Variants in HBP1 observed in about 807,000 individuals in gnomAD.
The protein encoded by HBP1 is HMG box-containing protein 1.
In HBP1, 20 loss-of-function variants were observed where a neutral mutation model predicts 62.6. The ratio of observed to expected loss-of-function variants is 0.32; its 90% CI spans 0.22 to 0.46. The LOEUF is 0.46. HBP1 is among the 20% of genes least tolerant of loss of function. The pLI is 1.00. For synonymous variants in HBP1, 232 were observed against 206.2 expected (o/e 1.12, Z -1.07); for missense variants, 480 against 611.8 (o/e 0.78, Z 2.27).
chr7:107,191,906 G>C (rs1218290212), intron 8 of HBP1, among the ~76,000 whole-genome samples: 1 of 152,064 alleles, frequency 6.6e-6, no homozygotes, highest in Non-Finnish European at 1.5e-5. Context: ...ACATAGTTGT[G>C]CTCATGGCTG....
In HBP1 at chr7:107,184,259, T is replaced by C. The variant is rs1360709161; in HGVS notation, c.399-1542T>C. ...AAATGTGTAATAACAGGATGGGCAG[T>C]TTTTGGGCAAAAGATGAAACATTCA... is the stretch of plus-strand genomic sequence containing the variant. On this transcript the variant is annotated intron_variant, in intron 3 of 10. Coordinates refer to ENST00000222574, the MANE Select transcript of HBP1 (RefSeq NM_012257.4). Among the ~76,000 whole-genome samples, 7 of 152,158 alleles carry C rather than the reference T, an allele frequency of 4.6e-5. 1 individual carries two copies. The highest frequency in any genetic ancestry group is 4.6e-4 in the Admixed American group (7 of 15,282).
chr7:107,169,749 G>T (rs1191277050), intron 1 of HBP1: 3 of 985,276 alleles, frequency 3.0e-6, no homozygotes, highest in Non-Finnish European at 3.6e-6. Context: ...CCAGGCGCCT[G>T]CGCGCTGGGG....
intron 1 of HBP1, chr7:107,173,653 CTCTT>C (rs1458333933): frequency 6.6e-6 from 1 of 152,164 alleles, no homozygotes; most frequent in African/African-American, 2.4e-5. Context: ...TTCTAGTTCT[CTCTT>C]TCTCTCCTGT....
intron 1 of HBP1, among the ~76,000 whole-genome samples, chr7:107,171,860 CA>C (rs367641713): frequency 1.8e-3 from 113 of 63,908 alleles, no homozygotes; most frequent in South Asian, 6.4e-3. Context: ...ACTTCCTCTC[CA>C]AAAAAAAAAA....
At chr7:107,186,147 C>CTTTTTTTTTTTTTTTTT (rs961142033) in intron 4 of HBP1, among the ~76,000 whole-genome samples, 2 of 135,116 alleles carry the variant, frequency 1.5e-5, no homozygotes, top group African/African-American at 5.6e-5. Flanking sequence ...TTGTGTGTGT[C>CTTTTTTTTTTTTTTTTT]TTTTTTTTCT....
At position 107,180,033 on chromosome 7, in the gene HBP1, A is replaced by G. The variant is rs182752199; in HGVS notation, c.140A>G (p.Tyr47Cys). The G allele has an allele frequency of 3.1e-6, 5 of 1,600,198 alleles. No homozygotes were observed. The East Asian group carries it at 6.7e-5, about 22-fold the overall frequency. The change falls in exon 2 of 11, where the codon TAT (tyrosine) becomes TGT (cysteine). Residue 47 changes from tyrosine to cysteine, a missense_variant. Coordinates refer to ENST00000222574, the MANE Select transcript of HBP1 (RefSeq NM_012257.4). ...GAGAATTTGCCATCTTCACCTGGAT[A>G]TAACTCCTGTGATGAACACATGGAG... The part of the protein sequence containing the change: ...CNENLPSSPG[Y>C]NSCDEHMELD...
intron 8 of HBP1, 66 bp downstream of exon 8, chr7:107,190,383 GGTTA>G: frequency 9.6e-7 from 1 of 1,039,812 alleles, no homozygotes; most frequent in South Asian, 1.6e-5. Context: ...CCCTAATGAT[GGTTA>G]AGTCAGATAT....
intron 1 of HBP1, chr7:107,173,517 A>G (rs1394110386): frequency 6.6e-6 from 1 of 152,240 alleles, no homozygotes; most frequent in East Asian, 1.9e-4. Context: ...TTCCTCATCC[A>G]TAATAATACT....
chr7:107,189,054 A>G (rs749004404), intron 6 of HBP1, among the ~76,000 whole-genome samples: 56 of 152,298 alleles, frequency 3.7e-4, no homozygotes, highest in Admixed American at 2.0e-3. Context: ...CTCTTTTGGT[A>G]TTAATAACTC....
At chr7:107,188,335 A>G (rs1462399351) in intron 6 of HBP1, among the ~76,000 whole-genome samples, 4 of 152,062 alleles carry the variant, frequency 2.6e-5, no homozygotes, top group African/African-American at 7.2e-5. Context: ...TGTTATTATC[A>G]TCCTTCTTGA....
At position 107,201,609 on chromosome 7, in the gene HBP1, GCA is replaced by G. The variant is rs1798315271; in HGVS notation, c.*179_*180del. The G allele has an allele frequency of 1.5e-5, 7 of 452,182 alleles. No individual in the cohort carries two copies. The highest frequency in any genetic ancestry group is 8.1e-6 in the Non-Finnish European group (2 of 247,856). 28.0% of individuals were successfully genotyped at this position (452,182 alleles called of 1,614,324 possible). ...GTGAGGATTTGCTTTCTCCATTAGA[GCA>G]TTAAGCTAAAACTATCAACATTTTA... On this transcript the variant is annotated 3_prime_UTR_variant, in exon 11 of 11. Transcript: ENST00000222574.
At chr7:107,185,982 A>G (rs1464120085) in intron 4 of HBP1, 40 bp downstream of exon 4, 2 of 1,497,364 alleles carry the variant, frequency 1.3e-6, no homozygotes, top group Non-Finnish European at 1.9e-6. Flanking sequence ...CAAAGTTTGT[A>G]CAACAGTTGA....
At chr7:107,194,798 A>C (rs1198775196) in intron 8 of HBP1, among the ~76,000 whole-genome samples, 1 of 152,242 alleles carries the variant, frequency 6.6e-6, no homozygotes, top group Non-Finnish European at 1.5e-5. Context: ...GAAAAGTACT[A>C]TAGGCAGAAA....
rs756125534 is a variant in HBP1 at position 107,182,436 on chromosome 7, G to C, written c.233G>C (p.Ser78Thr). 4 of 1,613,792 alleles carry C rather than the reference G, an allele frequency of 2.5e-6. No individual in the cohort carries two copies. The highest frequency in any genetic ancestry group is 2.2e-5 in the South Asian group (2 of 91,076). ...DPTQSGMYQLSSDVSHQEYPR... is the reference protein window; with the variant it reads ...DPTQSGMYQLTSDVSHQEYPR... ...ACCCAATCTGGCATGTACCAGCTGA[G>C]TTCAGATGTTTCACATCAAGAATAC... The change falls in exon 3 of 11, where the codon AGT becomes ACT. Residue 78 changes from serine to threonine, a missense_variant. Ser to Thr is a moderately conservative substitution (Grantham distance 58). Transcript: ENST00000222574.
chr7:107,190,449 G>T, intron 8 of HBP1, 132 bp downstream of exon 8: 1 of 600,538 alleles, frequency 1.7e-6, no homozygotes, highest in Non-Finnish European at 2.8e-6. Flanking sequence ...ATTATTAAGA[G>T]GAAAGTATGA....
At chr7:107,182,238 GA>G (rs1375122883) in intron 2 of HBP1, 134 bp from the exon 3 acceptor site, 1 of 613,940 alleles carries the variant, frequency 1.6e-6, no homozygotes, top group African/African-American at 1.8e-5. Flanking sequence ...TCTGTGAACA[GA>G]ATGTTAAATT....
chr7:107,169,054 G>A lies in HBP1; in HGVS notation c.-147G>A, dbSNP rs768540436. 3.1e-6 allele frequency: 4 copies of A among 1,288,818 alleles called. No individual in the cohort carries two copies. Among genetic ancestry groups the A allele is most frequent in the South Asian group, 2.5e-5 (2 of 80,922 alleles). 79.8% of individuals were successfully genotyped at this position (1,288,818 alleles called of 1,614,324 possible). The stretch of plus-strand genomic sequence containing the variant: ...TAAGTAGGAAAGTTTCGGTTGAGGA[G>A]TAAGAGCTGCCGCGGGAGCAGTAAC... On this transcript the variant is annotated 5_prime_UTR_variant, in exon 1 of 11. Coordinates refer to ENST00000222574, the MANE Select transcript of HBP1 (RefSeq NM_012257.4).
At chr7:107,192,756 G>T (rs1382016237) in intron 8 of HBP1, 1 of 152,100 alleles carries the variant, frequency 6.6e-6, no homozygotes, top group Non-Finnish European at 1.5e-5. Flanking sequence ...TTAGTCATTG[G>T]TCTCATTTTA....
chr7:107,185,711 T>C (rs990966843), intron 3 of HBP1, 90 bp from the exon 4 acceptor site: 107 of 954,126 alleles, frequency 1.1e-4, no homozygotes, highest in East Asian at 6.7e-4. Flanking sequence ...TGTAATAACA[T>C]TGGCGTTTTA....
Sources: gnomAD v4.1 joint callset for allele counts (sites outside exome capture counted in the v4.1 genomes callset) on GRCh38, gnomAD v4.1.1 for gene constraint, MANE v1.5 for transcripts, NCBI Gene and HGNC (gene_info 2026-07-23, HGNC 2026-07-21) for gene names.